Variants in LHFPL2 observed in about 807,000 individuals in gnomAD.
The protein encoded by LHFPL2 is LHFPL tetraspan subfamily member 2.
In LHFPL2, 7 loss-of-function variants were observed where a neutral mutation model predicts 17.5. The ratio of observed to expected loss-of-function variants is 0.40; its 90% CI spans 0.23 to 0.75. LHFPL2 has a LOEUF of 0.75. Ranked by LOEUF, LHFPL2 falls within the 30% of genes least tolerant of loss-of-function variation. LHFPL2 has a pLI of 0.37. For missense variants in LHFPL2, 241 were observed against 294.8 expected, an observed-to-expected ratio of 0.82 and a Z score of 1.34; for synonymous variants, 134 against 116.2, an observed-to-expected ratio of 1.15 and a Z score of -0.99.
intron 3 of LHFPL2, among the ~76,000 whole-genome samples, chr5:78,559,751 A>G (rs1273485703): frequency 6.6e-6 from 1 of 152,156 alleles, no homozygotes; most frequent in Non-Finnish European, 1.5e-5. Context: ...TCCTATACCT[A>G]TTGACTGCTT....
intron 3 of LHFPL2, among the ~76,000 whole-genome samples, chr5:78,515,070 A>G (rs574230599): frequency 6.6e-6 from 1 of 152,298 alleles, no homozygotes; most frequent in South Asian, 2.1e-4. Context: ...TTTCCTATAT[A>G]ACCACAACAA....
chr5:78,575,075 T>TAA, intron 2 of LHFPL2, among the ~76,000 whole-genome samples: 1 of 152,308 alleles, frequency 6.6e-6, no homozygotes, highest in East Asian at 1.9e-4. Context: ...TCCTGTGTTC[T>TAA]TGCCAGTGGA....
chr5:78,525,666 T>G (rs1168056242), intron 3 of LHFPL2, among the ~76,000 whole-genome samples: 1 of 152,048 alleles, frequency 6.6e-6, no homozygotes, highest in East Asian at 1.9e-4. Context: ...AGAGATGAAA[T>G]GCGAAAACGG....
chr5:78,526,490 T>C (rs1188049358), intron 3 of LHFPL2, among the ~76,000 whole-genome samples: 1 of 152,252 alleles, frequency 6.6e-6, no homozygotes, highest in Non-Finnish European at 1.5e-5. Flanking sequence ...GGTCTTCTTC[T>C]GAACCCATGT....
At chr5:78,647,388 G>C (rs1251033599) in intron 1 of LHFPL2, among the ~76,000 whole-genome samples, 2 of 152,260 alleles carry the variant, frequency 1.3e-5, no homozygotes, top group East Asian at 3.9e-4. Context: ...TAAGGCAAAA[G>C]CAATGTGCAG....
At chr5:78,594,688 A>G (rs887879654) in intron 2 of LHFPL2, among the ~76,000 whole-genome samples, 1 of 152,248 alleles carries the variant, frequency 6.6e-6, no homozygotes, top group Non-Finnish European at 1.5e-5. Context: ...GAACCAAGAC[A>G]CAAGAAAGAG....
intron 3 of LHFPL2, among the ~76,000 whole-genome samples, chr5:78,559,787 T>G (rs1756674761): frequency 6.6e-6 from 1 of 152,246 alleles, no homozygotes; most frequent in Non-Finnish European, 1.5e-5. Flanking sequence ...AAATGTATCC[T>G]ATACTCTAAT....
intron 2 of LHFPL2, among the ~76,000 whole-genome samples, chr5:78,569,573 G>A (rs1461844939): frequency 6.6e-6 from 1 of 152,126 alleles, no homozygotes; most frequent in Non-Finnish European, 1.5e-5. Flanking sequence ...AACAGAACTG[G>A]GTCAGCCATT....
At chr5:78,595,517 T>C (rs543918370) in intron 2 of LHFPL2, among the ~76,000 whole-genome samples, 66 of 152,274 alleles carry the variant, frequency 4.3e-4, no homozygotes, top group Non-Finnish European at 8.7e-4. Context: ...TCTTCTTTCT[T>C]CCTTTCCTTT....
chr5:78,641,906 T>TACACATACACACACACACAC, intron 1 of LHFPL2: 1 of 107,718 alleles, frequency 9.3e-6, no homozygotes, highest in Non-Finnish European at 1.8e-5. Context: ...ATGTACAGTA[T>TACACATACACACACACACAC]ACACACACAC....
At chr5:78,642,386 C>T (rs1745700318) in intron 1 of LHFPL2, among the ~76,000 whole-genome samples, 1 of 152,176 alleles carries the variant, frequency 6.6e-6, no homozygotes, top group Admixed American at 6.5e-5. Context: ...ATTCCAGGTA[C>T]ATCCCTCTTA....
At chr5:78,643,066 C>CATTTGTAG (rs1745736787) in intron 1 of LHFPL2, among the ~76,000 whole-genome samples, 1 of 152,088 alleles carries the variant, frequency 6.6e-6, no homozygotes, top group Non-Finnish European at 1.5e-5. Context: ...AATGCTCCAA[C>CATTTGTAG]CTTCACACAG....
chr5:78,510,102 C>A lies in LHFPL2; in HGVS notation c.112G>T (p.Ala38Ser), dbSNP rs538448006. The change falls in exon 4 of 5, where the codon GCG becomes TCG. Residue 38 changes from alanine (A) to serine (S), a missense_variant. Transcript: ENST00000380345. ...GGCTCCACGCCGCCGCGGCTCCTCG[C>A]TTTCCCGATCAGCCAGTCTGCACTC... ...FMSADWLIGKARSRGGVEPAG... is the reference protein window; with the variant it reads ...FMSADWLIGKSRSRGGVEPAG... 6.2e-7 allele frequency: 1 copy of A among 1,613,078 alleles called. No individual in the cohort carries two copies. The highest frequency in any genetic ancestry group is 2.2e-5 in the East Asian group (1 of 44,852).
At chr5:78,499,106 T>A (rs911362352) in intron 4 of LHFPL2, among the ~76,000 whole-genome samples, 2 of 152,206 alleles carry the variant, frequency 1.3e-5, no homozygotes, top group Non-Finnish European at 1.5e-5. Context: ...AAGCATCACT[T>A]CTTTGGAAGA....
intron 4 of LHFPL2, among the ~76,000 whole-genome samples, chr5:78,505,724 C>T (rs1754912612): frequency 6.6e-6 from 1 of 152,192 alleles, no homozygotes; most frequent in South Asian, 2.1e-4. Context: ...ATCCGGGAAA[C>T]AAATAATATA....
At chr5:78,519,281 G>C (rs968243759) in intron 3 of LHFPL2, among the ~76,000 whole-genome samples, 3 of 152,202 alleles carry the variant, frequency 2.0e-5, no homozygotes, top group African/African-American at 7.2e-5. Context: ...CTTTGAGGTG[G>C]TTAGGACAGA....
chr5:78,498,160 A>C (rs987251575), intron 4 of LHFPL2, among the ~76,000 whole-genome samples: 6 of 152,158 alleles, frequency 3.9e-5, no homozygotes, highest in African/African-American at 1.4e-4. Flanking sequence ...AGAACGGAAA[A>C]CACCACTGCG....
intron 3 of LHFPL2, among the ~76,000 whole-genome samples, chr5:78,524,742 C>CAAAA (rs34179854): frequency 1.1e-3 from 130 of 117,772 alleles, no homozygotes; most frequent in African/African-American, 4.0e-3. Flanking sequence ...ACCCTGTTCT[C>CAAAA]AAAAAAAAAA....
rs181298662 is a variant in LHFPL2, at chr5:78,584,982, C to T, written c.-244-20111G>A. On this transcript the variant is annotated intron_variant, in intron 2 of 4. Transcript: ENST00000380345. ...CTGAGCCAGGTGCGGGATATAATCT[C>T]CTGGTGCGCTGTGTTTTTTTTTTTT... 8.4e-5 allele frequency among the ~76,000 whole-genome samples: 12 copies of T among 142,138 alleles called. 1 individual carries two copies. The highest frequency in any genetic ancestry group is 1.9e-4 in the Non-Finnish European group (12 of 64,594). 93.2% of individuals were successfully genotyped at this position (142,138 alleles called of 152,430 possible). A position where few individuals can be genotyped will look rare whatever the true frequency, so the allele number is the denominator to read the frequency against.
Sources: allele counts gnomAD v4.1 joint callset (sites outside exome capture counted in the v4.1 genomes callset), GRCh38; gene constraint gnomAD v4.1.1; transcripts MANE v1.5; gene names NCBI Gene and HGNC (gene_info 2026-07-23, HGNC 2026-07-21).